The following EFCAB8 variants were observed in gnomAD, a reference collection of about 807,000 sequenced individuals.
The protein encoded by EFCAB8 is EF-hand calcium binding domain 8, also known as EF-hand calcium-binding domain-containing protein 8.
EFCAB8 carries 100 observed loss-of-function variants against 116.3 expected under a neutral mutation model. The ratio of observed to expected loss-of-function variants is 0.86; its 90% CI spans 0.73 to 1.02. EFCAB8 has a LOEUF of 1.02. EFCAB8 is among the 50% of genes least tolerant of loss of function. The pLI is 0.00. For missense variants in EFCAB8, 1,320 were observed against 1,416.9 expected (o/e 0.93, Z 1.10); for synonymous variants, 558 against 567.9 (o/e 0.98, Z 0.25).
At chr20:32,909,955 T>G (rs1986842559) in intron 15 of EFCAB8, 24 bp downstream of exon 15, 7 of 1,214,740 alleles carry the variant, frequency 5.8e-6, no homozygotes, top group African/African-American at 1.6e-5. Context: ...GGCTCGCCTC[T>G]GAGGCTGGCG....
At chr20:32,904,019 G>T (rs140803055) in intron 11 of EFCAB8, among the ~76,000 whole-genome samples, 1,525 of 149,900 alleles carry the variant, frequency 0.01, 23 homozygotes, top group African/African-American at 0.033. Context: ...GATTTTTTGG[G>T]TTTTTTTTTT....
chr20:32,875,760 C>A (rs185398602), intron 3 of EFCAB8, among the ~76,000 whole-genome samples, 166 bp from the exon 4 acceptor site: 288 of 152,092 alleles, frequency 1.9e-3, no homozygotes, highest in African/African-American at 6.5e-3. Flanking sequence ...CCACCTGCCT[C>A]AGCCTCCCAA....
At chr20:32,898,926 A>G (rs1848866056) in intron 11 of EFCAB8, among the ~76,000 whole-genome samples, 1 of 152,184 alleles carries the variant, frequency 6.6e-6, no homozygotes, top group African/African-American at 2.4e-5. Flanking sequence ...TCATCTGTGA[A>G]AGGGTGTGAA....
intron 19 of EFCAB8, 107 bp from the exon 20 acceptor site, chr20:32,919,971 C>A: frequency 7.1e-7 from 1 of 1,409,720 alleles, no homozygotes; most frequent in African/African-American, 1.4e-5. Context: ...GTACCTACTG[C>A]GGGGGCTTGG....
At chr20:32,959,184 T>G (rs1989065284) in intron 24 of EFCAB8, among the ~76,000 whole-genome samples, 1 of 152,220 alleles carries the variant, frequency 6.6e-6, no homozygotes, top group Non-Finnish European at 1.5e-5. Flanking sequence ...GAACTCACAG[T>G]TTACTCAGGG....
Position 32,921,304 on chromosome 20 carries a change from C to A in EFCAB8, c.2412+1089C>A, listed in dbSNP as rs892357042. 5.9e-5 allele frequency among the ~76,000 whole-genome samples: 9 copies of A among 151,916 alleles called. No homozygotes were observed. The East Asian group carries it at 1.2e-3, about 20-fold the overall frequency. ...AACTCCTGGGCTGAAGGGACCCTCCCACCTCAGCCTTGTGAGTAGCTGGGG... is the reference window on the plus strand; with the variant it reads ...AACTCCTGGGCTGAAGGGACCCTCCAACCTCAGCCTTGTGAGTAGCTGGGG... On this transcript the variant is annotated intron_variant, in intron 20 of 26. Transcript: ENST00000400522.
intron 1 of EFCAB8, among the ~76,000 whole-genome samples, chr20:32,859,404 G>A (rs1296651749): frequency 1.3e-5 from 2 of 152,038 alleles, no homozygotes; most frequent in Non-Finnish European, 2.9e-5. Context: ...CTTCCCTTCA[G>A]AGTTGGAGGA....
intron 20 of EFCAB8, among the ~76,000 whole-genome samples, chr20:32,921,172 C>T (rs1432174713): frequency 6.8e-6 from 1 of 147,726 alleles, no homozygotes; most frequent in Admixed American, 6.9e-5. Flanking sequence ...GCTGCACACT[C>T]TCCTCCAGGT....
chr20:32,935,188 C>CTTT lies in EFCAB8; in HGVS notation c.2790+3853_2790+3855dup, dbSNP rs754022404. 7.9e-3 allele frequency among the ~76,000 whole-genome samples: 529 copies of CTTT among 66,580 alleles called. 14 individuals carry two copies. The highest frequency in any genetic ancestry group is 0.013 in the Middle Eastern group (1 of 78). The allele number at this position is 66,580 out of a possible 152,430, so 43.7% of individuals were successfully genotyped here. Reference sequence around the variant, plus strand: ...TCTCTTCTCTTTTCTTTCTTTCTTTCTTTCTTTTTTTTTTTTTTTTTTTTT... The same window carrying CTTT: ...TCTCTTCTCTTTTCTTTCTTTCTTTCTTTTTTCTTTTTTTTTTTTTTTTTTTTT... On this transcript the variant is annotated intron_variant, in intron 22 of 26. Coordinates refer to ENST00000400522, the MANE Select transcript of EFCAB8 (RefSeq NM_001143967.2).
intron 9 of EFCAB8, 83 bp from the exon 10 acceptor site, chr20:32,896,371 A>T: frequency 1.5e-6 from 1 of 687,728 alleles, no homozygotes; most frequent in Non-Finnish European, 2.7e-6. Flanking sequence ...GTTGCAAGCC[A>T]ACTCAAGACG....
intron 21 of EFCAB8, 38 bp downstream of exon 21, chr20:32,930,654 C>T: frequency 6.5e-7 from 1 of 1,534,656 alleles, no homozygotes; most frequent in Non-Finnish European, 8.8e-7. Context: ...GGGGCTGGTG[C>T]CAGCTAAGTG....
At chr20:32,914,461 T>C (rs1987089746) in intron 17 of EFCAB8, among the ~76,000 whole-genome samples, 1 of 152,214 alleles carries the variant, frequency 6.6e-6, no homozygotes, top group Non-Finnish European at 1.5e-5. Flanking sequence ...GCTATGTCTT[T>C]AATGATTGTA....
chr20:32,911,636 G>A lies in EFCAB8; in HGVS notation c.1714G>A (p.Gly572Ser), dbSNP rs1986927680. The change falls in exon 16 of 27, where the codon GGC becomes AGC. Residue 572 changes from glycine to serine, a missense_variant. Gly to Ser is a moderately conservative substitution (Grantham distance 56, BLOSUM62 0). Transcript: ENST00000400522. ...ERCLLTGLRD[G>S]TMKMWNYNIG... is the part of the protein sequence containing the mutation. Reference sequence around the variant, plus strand: ...GTGCCTGCTCACAGGTTTGCGGGATGGCACAATGAAGATGTGGAACTACAA... The same window carrying A: ...GTGCCTGCTCACAGGTTTGCGGGATAGCACAATGAAGATGTGGAACTACAA... 6.4e-7 allele frequency: 1 copy of A among 1,551,760 alleles called. No homozygotes were observed.
intron 11 of EFCAB8, 96 bp downstream of exon 11, chr20:32,898,719 G>C: frequency 1.5e-6 from 1 of 663,486 alleles, no homozygotes; most frequent in Admixed American, 2.2e-5. Flanking sequence ...ATGGTGGTTG[G>C]TGTATGGACT....
In EFCAB8 at chr20:32,893,250, A is replaced by G; in HGVS notation, c.835A>G (p.Thr279Ala). 1 of 1,551,956 alleles carries G rather than the reference A, an allele frequency of 6.4e-7. No individual in the cohort carries two copies. The highest frequency in any genetic ancestry group is 8.7e-7 in the Non-Finnish European group (1 of 1,147,044). The change falls in exon 9 of 27, where the codon ACC (threonine) becomes GCC (alanine). Residue 279 changes from threonine (T) to alanine (A), a missense_variant. Coordinates refer to ENST00000400522, the MANE Select transcript of EFCAB8 (RefSeq NM_001143967.2). Reference sequence around the variant, plus strand: ...CATTGTCTTCACCTCCGAAAACATGACCAGTGGGCTGTTCAACCCCCGTAT... The same window carrying G: ...CATTGTCTTCACCTCCGAAAACATGGCCAGTGGGCTGTTCAACCCCCGTAT... ...NVIVFTSENMTSGLFNPRILP... is the reference protein window; with the variant it reads ...NVIVFTSENMASGLFNPRILP...
At chr20:32,958,775 G>A (rs1426153681) in intron 24 of EFCAB8, among the ~76,000 whole-genome samples, 1 of 152,200 alleles carries the variant, frequency 6.6e-6, no homozygotes, top group Non-Finnish European at 1.5e-5. Context: ...CTGAAAGGTT[G>A]AGCAGTGAAA....
Position 32,961,307 on chromosome 20 carries a change from A to G in EFCAB8, c.3565A>G (p.Thr1189Ala), listed in dbSNP as rs1989143345. ...PSREQAVLDT[T>A]DSTPAAASSP... ...CAGGGAGCAGGCTGTGCTGGATACCACGGACAGCACGCCTGCGGCCGCCTC... is the reference window on the plus strand; with the variant it reads ...CAGGGAGCAGGCTGTGCTGGATACCGCGGACAGCACGCCTGCGGCCGCCTC... Residue 1189 changes from threonine to alanine, a missense_variant, in exon 27 of 27, where the codon ACG becomes GCG. Transcript: ENST00000400522. 1 of 1,523,000 alleles carries G rather than the reference A, an allele frequency of 6.6e-7. No homozygotes were observed. The highest frequency in any genetic ancestry group is 1.4e-5 in the African/African-American group (1 of 71,758). The allele number at this position is 1,523,000 out of a possible 1,614,324, so 94.3% of individuals were successfully genotyped here. A position where few individuals can be genotyped will look rare whatever the true frequency, so the allele number is the denominator to read the frequency against.
chr20:32,911,774 C>A, intron 16 of EFCAB8, 67 bp downstream of exon 16: 1 of 1,454,354 alleles, frequency 6.9e-7, no homozygotes, highest in Non-Finnish European at 9.4e-7. Context: ...CTCCTTTGAC[C>A]CTGGGATGCA....
intron 5 of EFCAB8, 153 bp downstream of exon 5, chr20:32,878,960 A>G (rs987231585): frequency 4.6e-6 from 3 of 657,116 alleles, no homozygotes; most frequent in Admixed American, 2.7e-5. Context: ...GCTCATTTCA[A>G]CCTCACAGCC....
Sources: allele counts gnomAD v4.1 joint callset (sites outside exome capture counted in the v4.1 genomes callset), GRCh38; gene constraint gnomAD v4.1.1; transcripts MANE v1.5; gene names NCBI Gene and HGNC (gene_info 2026-07-23, HGNC 2026-07-21).